DENND2B: variants seen among roughly 807,000 people sequenced by gnomAD.
DENND2B encodes the protein DENN domain containing 2B, also known as DENN domain-containing protein 2B.
In DENND2B, 32 loss-of-function variants were observed where a neutral mutation model predicts 116.0. The observed-to-expected ratio is 0.28, with a 90% CI of 0.21 to 0.37. DENND2B has a LOEUF of 0.37. DENND2B is among the 10% of genes least tolerant of loss of function. The pLI is 1.00. For synonymous variants in DENND2B, 588 were observed against 583.9 expected (o/e 1.01, Z -0.10); for missense variants, 1,276 against 1,477.7 (o/e 0.86, Z 2.24).
At chr11:8,878,790 G>A (rs1424967297) in intron 2 of DENND2B, among the ~76,000 whole-genome samples, 1 of 152,156 alleles carries the variant, frequency 6.6e-6, no homozygotes, top group African/African-American at 2.4e-5. Context: ...AAAACATTAT[G>A]CTAAGTGAAA....
rs370207709 is a variant in DENND2B, at chr11:8,863,320, G to A, written c.-249-5884C>T. On this transcript the variant is annotated intron_variant, in intron 2 of 6. Coordinates refer to the DENND2B transcript ENST00000524757. ...CACCCAGGCTGGAGTGCAGTGGCAC[G>A]ATCTCGGCTCACTGCAAGCTCCACC... 2.1e-3 allele frequency among the ~76,000 whole-genome samples: 117 copies of A among 56,830 alleles called. 1 individual carries two copies. The highest frequency in any genetic ancestry group is 3.2e-3 in the Non-Finnish European group (85 of 26,620). The allele number at this position is 56,830 out of a possible 152,430, so 37.3% of individuals were successfully genotyped here. A position where few individuals can be genotyped will look rare whatever the true frequency, so the allele number is the denominator to read the frequency against.
intron 4 of DENND2B, among the ~76,000 whole-genome samples, chr11:8,725,815 A>T (rs182823924): frequency 9.8e-4 from 149 of 152,350 alleles, no homozygotes; most frequent in African/African-American, 3.0e-3. Flanking sequence ...AAATAAAGGA[A>T]AGGAATGATG....
Position 8,717,842 on chromosome 11 carries a change from T to C in DENND2B, c.1528A>G (p.Arg510Gly), listed in dbSNP as rs149867554. ...AGTTGCTGGGATTTTCGTCCTGCTC[T>C]TCGGCTCTTTAAGTCCACATCCTCA... ...PYEDVDLKSR[R>G]AGRKSQQLSE... The change falls in exon 5 of 20, where the codon AGA becomes GGA. Residue 510 changes from arginine (R) to glycine (G), a missense_variant. Arg to Gly is a moderately radical substitution (Grantham distance 125). Around this residue, in one of 2 missense-constraint regions of DENND2B, gnomAD observed 856 missense variants for 846.6 expected, o/e 1.01. Coordinates refer to ENST00000313726, the MANE Select transcript of DENND2B (RefSeq NM_213618.2). 3 of 1,613,562 alleles carry C rather than the reference T, an allele frequency of 1.9e-6. No individual in the cohort carries two copies. In the African/African-American group the frequency reaches 4.0e-5, roughly 22 times the overall value.
At chr11:8,775,412 A>G (rs3862351) in intron 1 of DENND2B, among the ~76,000 whole-genome samples, 9,216 of 152,250 alleles carry the variant, frequency 0.061, 595 homozygotes, top group African/African-American at 0.16. Context: ...TTCCAACTCC[A>G]AAAAGCCCTG....
chr11:8,748,812 A>G (rs1314627893), intron 2 of DENND2B, among the ~76,000 whole-genome samples: 1 of 152,204 alleles, frequency 6.6e-6, no homozygotes, highest in Non-Finnish European at 1.5e-5. Flanking sequence ...CTTAGAAGTA[A>G]GTAGGCATTT....
At chr11:8,897,854 C>A (rs909393816) in intron 1 of DENND2B, among the ~76,000 whole-genome samples, 2 of 152,164 alleles carry the variant, frequency 1.3e-5, no homozygotes, top group African/African-American at 4.8e-5. Flanking sequence ...GGCACAATTA[C>A]AGCTCACTAT....
At chr11:8,896,996 T>G (rs535552976) in intron 1 of DENND2B, among the ~76,000 whole-genome samples, 2 of 152,302 alleles carry the variant, frequency 1.3e-5, no homozygotes, top group East Asian at 3.9e-4. Flanking sequence ...CCCAGCACTT[T>G]GGGAGGCCAA....
chr11:8,843,864 G>A (rs1325675275), intron 3 of DENND2B, among the ~76,000 whole-genome samples: 1 of 152,038 alleles, frequency 6.6e-6, no homozygotes, highest in Non-Finnish European at 1.5e-5. Flanking sequence ...TCAAGATGCC[G>A]CTCCCACGGC....
rs763152961 is a variant in DENND2B at position 8,726,154 on chromosome 11, G to C, written c.1396C>G (p.Pro466Ala). 3.7e-6 allele frequency: 6 copies of C among 1,614,006 alleles called. No individual in the cohort carries two copies. In the East Asian group the frequency reaches 1.3e-4, roughly 36 times the overall value. ...SSLQSLYPSS[P>A]TENGTENQPK... ...TGGTTCTCAGTACCATTCTCAGTGG[G>C]AGAAGAGGGGTACAGGGACTGGAGA... The change falls in exon 4 of 20, where the codon CCC becomes GCC. Residue 466 changes from proline (P) to alanine (A), a missense_variant. By Grantham distance (27) the Pro-to-Ala change is conservative. This residue lies in a region of DENND2B where 856 missense variants were observed against 846.6 expected (regional missense o/e 1.01). Transcript: ENST00000313726.
At chr11:8,848,861 G>C (rs1432739701) in intron 3 of DENND2B, among the ~76,000 whole-genome samples, 6 of 151,562 alleles carry the variant, frequency 4.0e-5, no homozygotes, top group Non-Finnish European at 7.4e-5. Flanking sequence ...GTATTGCTTA[G>C]GTATTTGACA....
chr11:8,699,411 C>CA (rs750009473), intron 14 of DENND2B, 21 bp from the exon 15 acceptor site: 2 of 1,578,150 alleles, frequency 1.3e-6, no homozygotes, highest in South Asian at 1.2e-5. Context: ...GACAGAGAGA[C>CA]AGAGTACCTG....
intron 1 of DENND2B, among the ~76,000 whole-genome samples, chr11:8,792,035 G>T (rs953218047): frequency 6.6e-6 from 1 of 151,902 alleles, no homozygotes; most frequent in African/African-American, 2.4e-5. Context: ...GTGAAACCCC[G>T]TCTCTACAAA....
chr11:8,802,532 T>C (rs775489527), intron 1 of DENND2B, among the ~76,000 whole-genome samples: 1 of 152,048 alleles, frequency 6.6e-6, no homozygotes, highest in African/African-American at 2.4e-5. Flanking sequence ...AGCTATTAGG[T>C]GGCAGAGGCA....
At chr11:8,762,188 A>G (rs989233118) in intron 1 of DENND2B, among the ~76,000 whole-genome samples, 1 of 152,242 alleles carries the variant, frequency 6.6e-6, no homozygotes, top group Non-Finnish European at 1.5e-5. Flanking sequence ...ACAATGACTT[A>G]TAAGGCCCTC....
At position 8,712,136 on chromosome 11, in the gene DENND2B, A is replaced by G; in HGVS notation, c.2172+415T>C. 1 of 385,554 alleles carries G rather than the reference A, an allele frequency of 2.6e-6. No homozygotes were observed. Among genetic ancestry groups the G allele is most frequent in the Non-Finnish European group, 5.3e-6 (1 of 189,712 alleles). 23.9% of individuals were successfully genotyped at this position (385,554 alleles called of 1,614,324 possible). A position where few individuals can be genotyped will look rare whatever the true frequency, so the allele number is the denominator to read the frequency against. Reference sequence around the variant, plus strand: ...AAGCAGGGAAGGCGGAGTGAGAGACAGGCTGGTGGGAGAAGTGCGGAGTGA... The same window carrying G: ...AAGCAGGGAAGGCGGAGTGAGAGACGGGCTGGTGGGAGAAGTGCGGAGTGA... On this transcript the variant is annotated intron_variant, in intron 9 of 19. Coordinates refer to ENST00000313726, the MANE Select transcript of DENND2B (RefSeq NM_213618.2). This position sits in a 1 kb window ranked among gnomAD's most constrained non-coding sequence, Gnocchi z 4.4.
At chr11:8,744,132 GT>G (rs376495586) in intron 2 of DENND2B, among the ~76,000 whole-genome samples, 80 of 136,910 alleles carry the variant, frequency 5.8e-4, no homozygotes, top group Admixed American at 1.0e-3. Flanking sequence ...AACCCATGAA[GT>G]TTTTTTTTTT....
rs181252883 is a variant in DENND2B, at chr11:8,905,431, C to T, written c.-256+5390G>A. The stretch of plus-strand genomic sequence containing the variant: ...AGTTAAATGTAAAAACTAAAATATA[C>T]AACTATTAGGAGGAAACATAGAAAA... On this transcript the variant is annotated intron_variant, in intron 1 of 22. Coordinates refer to the DENND2B transcript ENST00000534127. Among the ~76,000 whole-genome samples, 362 of 151,984 alleles carry T rather than the reference C, an allele frequency of 2.4e-3. 2 individuals are homozygous for T. Among genetic ancestry groups the T allele is most frequent in the African/African-American group, 8.5e-3 (352 of 41,470 alleles).
intron 6 of DENND2B, 118 bp from the exon 7 acceptor site, chr11:8,714,824 G>A (rs959417155): frequency 2.3e-5 from 19 of 840,208 alleles, no homozygotes; most frequent in Admixed American, 1.7e-4. Context: ...CATTGCACCC[G>A]CTGGGTCCAG....
At chr11:8,796,963 C>CA (rs1422485285) in intron 1 of DENND2B, among the ~76,000 whole-genome samples, 1 of 152,076 alleles carries the variant, frequency 6.6e-6, no homozygotes, top group Non-Finnish European at 1.5e-5. Context: ...AAAACTCATT[C>CA]AATTCTGCAA....
Sources: allele counts gnomAD v4.1 joint callset (sites outside exome capture counted in the v4.1 genomes callset), GRCh38; gene constraint gnomAD v4.1.1; regional missense constraint gnomAD v4.1.1; non-coding constraint Gnocchi (gnomAD v3.1); transcripts MANE v1.5; gene names NCBI Gene and HGNC (gene_info 2026-07-23, HGNC 2026-07-21).